The following OPRM1 variants were observed in gnomAD, a reference collection of about 807,000 sequenced individuals.
OPRM1 encodes the protein opioid receptor mu 1, also known as mu-type opioid receptor.
OPRM1 carries 27 observed loss-of-function variants against 31.8 expected under a neutral mutation model. The ratio of observed to expected loss-of-function variants is 0.85; its 90% CI spans 0.63 to 1.17. OPRM1 has a LOEUF of 1.17. OPRM1 is among the 50% of genes most tolerant of loss of function. The pLI is 0.00. For synonymous variants in OPRM1, 196 were observed against 189.9 expected, an observed-to-expected ratio of 1.03 and a Z score of -0.26; for missense variants, 536 against 511.1, an observed-to-expected ratio of 1.05 and a Z score of -0.47.
At position 154,087,518 on chromosome 6, in the gene OPRM1, G is replaced by C. The variant is rs375756297; in HGVS notation, c.291-2308G>C. On this transcript the variant is annotated intron_variant, in intron 1 of 3. Coordinates refer to ENST00000330432, the MANE Select transcript of OPRM1 (RefSeq NM_000914.5). ...TCACGCTCTCAAATCCACATCCTCCGGATTAGGTCCATTTTCAGACAAGCT... is the reference window on the plus strand; with the variant it reads ...TCACGCTCTCAAATCCACATCCTCCCGATTAGGTCCATTTTCAGACAAGCT... 11 of 985,452 alleles carry C rather than the reference G, an allele frequency of 1.1e-5. No homozygotes were observed. The African/African-American group carries it at 1.2e-4, about 11-fold the overall frequency. 61.0% of individuals were successfully genotyped at this position (985,452 alleles called of 1,614,324 possible).
rs900582822 is a variant in OPRM1, at chr6:154,052,855, A to G, written c.290+13021A>G. ...CCACAAAAATTAAAAATTAACAAAA[A>G]CCTAGACCAACTCACAGTATTTTTC... On this transcript the variant is annotated intron_variant, in intron 1 of 3. Transcript: ENST00000330432. Among the ~76,000 whole-genome samples, 5 of 152,340 alleles carry G rather than the reference A, an allele frequency of 3.3e-5. No individual in the cohort carries two copies. In the South Asian group the frequency reaches 1.0e-3, roughly 32 times the overall value.
intron 3 of OPRM1, chr6:154,156,673 A>G (rs1243094519): frequency 6.6e-6 from 1 of 152,182 alleles, no homozygotes; most frequent in Admixed American, 6.5e-5. Context: ...TTGTAATCCT[A>G]TACTTTAGGA....
At chr6:154,148,301 G>T (rs1005534929) in intron 3 of OPRM1, among the ~76,000 whole-genome samples, 5 of 152,240 alleles carry the variant, frequency 3.3e-5, no homozygotes, top group African/African-American at 1.2e-4. Flanking sequence ...TTCCCAGATG[G>T]AAGGGGTCCA....
chr6:154,233,897 T>C (rs191069348), intron 3 of OPRM1, among the ~76,000 whole-genome samples: 11 of 152,292 alleles, frequency 7.2e-5, no homozygotes, highest in Admixed American at 4.6e-4. Context: ...CAGCAACGAA[T>C]GGGTCTTGGG....
At chr6:154,054,332 G>GCA (rs903581656) in intron 1 of OPRM1, among the ~76,000 whole-genome samples, 2 of 139,574 alleles carry the variant, frequency 1.4e-5, no homozygotes, top group Non-Finnish European at 3.0e-5. Flanking sequence ...TCGCGCCACT[G>GCA]CACTCCAGTC....
At chr6:154,184,726 G>A (rs1188106529) in intron 3 of OPRM1, among the ~76,000 whole-genome samples, 1 of 150,644 alleles carries the variant, frequency 6.6e-6, no homozygotes, top group East Asian at 2.0e-4. Flanking sequence ...AGACATGTTA[G>A]CATTGGGAAA....
chr6:154,095,174 C>A (rs1793143259), intron 3 of OPRM1, among the ~76,000 whole-genome samples: 2 of 152,314 alleles, frequency 1.3e-5, no homozygotes, highest in South Asian at 2.1e-4. Context: ...ACCTGTAATT[C>A]CAGCTATTTG....
chr6:154,075,852 G>T (rs1787789636), intron 1 of OPRM1, among the ~76,000 whole-genome samples: 1 of 152,158 alleles, frequency 6.6e-6, no homozygotes. Flanking sequence ...GTCATTTACT[G>T]GCTTTACAAG....
chr6:154,120,528 T>G lies in OPRM1; in HGVS notation c.*1807T>G, dbSNP rs906616648. 6.6e-6 allele frequency among the ~76,000 whole-genome samples: 1 copy of G among 152,164 alleles called. No individual in the cohort carries two copies. The highest frequency in any genetic ancestry group is 2.1e-4 in the South Asian group (1 of 4,834). On this transcript the variant is annotated 3_prime_UTR_variant, in exon 4 of 4. Coordinates refer to ENST00000330432, the MANE Select transcript of OPRM1 (RefSeq NM_000914.5). Reference sequence around the variant, plus strand: ...ATTTTCTGACAAAAGTAACTAAAACTAGGACCTTAAAAAGATTTAGAATGT... The same window carrying G: ...ATTTTCTGACAAAAGTAACTAAAACGAGGACCTTAAAAAGATTTAGAATGT...
At chr6:154,200,604 C>T (rs1336807260) in intron 3 of OPRM1, among the ~76,000 whole-genome samples, 1 of 151,944 alleles carries the variant, frequency 6.6e-6, no homozygotes, top group Non-Finnish European at 1.5e-5. Flanking sequence ...ACCTGTAGTC[C>T]CAGCTATTCA....
At position 154,130,734 on chromosome 6, in the gene OPRM1, A is replaced by G. The variant is rs1191309903; in HGVS notation, c.*12013A>G. On this transcript the variant is annotated 3_prime_UTR_variant, in exon 4 of 4. Coordinates refer to ENST00000330432, the MANE Select transcript of OPRM1 (RefSeq NM_000914.5). Reference sequence around the variant, plus strand: ...CATAAAAATATATCTACCAATATAAATAGAATATATAAAGGGAATATATAT... The same window carrying G: ...CATAAAAATATATCTACCAATATAAGTAGAATATATAAAGGGAATATATAT... 2.0e-5 allele frequency among the ~76,000 whole-genome samples: 3 copies of G among 152,100 alleles called. No homozygotes were observed. The East Asian group carries it at 5.8e-4, about 29-fold the overall frequency.
chr6:154,072,060 A>C (rs1202303564), intron 1 of OPRM1, among the ~76,000 whole-genome samples: 1 of 152,270 alleles, frequency 6.6e-6, no homozygotes, highest in East Asian at 1.9e-4. Flanking sequence ...GCAATTACTC[A>C]ACTATTATAT....
At chr6:154,194,877 T>C (rs1217950113) in intron 3 of OPRM1, among the ~76,000 whole-genome samples, 1 of 152,102 alleles carries the variant, frequency 6.6e-6, no homozygotes, top group Admixed American at 6.5e-5. Context: ...CCAATGATCA[T>C]ATATTCAAGG....
chr6:154,134,517 C>T (rs1798007267), downstream of OPRM1, among the ~76,000 whole-genome samples: 1 of 152,192 alleles, frequency 6.6e-6, no homozygotes, highest in African/African-American at 2.4e-5. Flanking sequence ...CTGCATCTCA[C>T]ATCACCCCTT....
chr6:154,245,295 A>G (rs1364096986), intron 3 of OPRM1, among the ~76,000 whole-genome samples: 2 of 152,202 alleles, frequency 1.3e-5, no homozygotes, highest in Non-Finnish European at 2.9e-5. Context: ...TGGAAAAAAA[A>G]AATGTATTTT....
At position 154,107,422 on chromosome 6, in the gene OPRM1, C is replaced by A. The variant is rs953874791; in HGVS notation, c.1165-11261C>A. On this transcript the variant is annotated intron_variant, in intron 3 of 3. Transcript: ENST00000330432. ...AGTCCGCAGAGGAGAAGAGAATAGA[C>A]GTCTTCACTCAGATATTAAACCAGA... The A allele has an allele frequency of 5.6e-6, 4 of 717,582 alleles. No individual in the cohort carries two copies. The Admixed American group carries it at 8.0e-5, about 14-fold the overall frequency. 44.5% of individuals were successfully genotyped at this position (717,582 alleles called of 1,614,324 possible). A position where few individuals can be genotyped will look rare whatever the true frequency, so the allele number is the denominator to read the frequency against.
upstream of OPRM1, among the ~76,000 whole-genome samples, chr6:154,036,770 T>C (rs774145322): frequency 5.9e-5 from 9 of 152,006 alleles, no homozygotes; most frequent in Admixed American, 1.3e-4. Context: ...AGATTGCATA[T>C]ATTTTATGCC....
intron 1 of OPRM1, among the ~76,000 whole-genome samples, chr6:154,030,467 A>G (rs1264447729): frequency 6.6e-6 from 1 of 152,226 alleles, no homozygotes; most frequent in Non-Finnish European, 1.5e-5. Flanking sequence ...TACCTTAATC[A>G]ATAGTCTTAC....
chr6:154,078,131 C>T (rs1396943248), intron 1 of OPRM1, among the ~76,000 whole-genome samples: 2 of 152,046 alleles, frequency 1.3e-5, no homozygotes, highest in Non-Finnish European at 2.9e-5. Context: ...GAGCTTTAAC[C>T]TAGTCCCTCT....
Sources: allele counts gnomAD v4.1 joint callset (sites outside exome capture counted in the v4.1 genomes callset), GRCh38; gene constraint gnomAD v4.1.1; transcripts MANE v1.5; gene names NCBI Gene and HGNC (gene_info 2026-07-23, HGNC 2026-07-21).